Variants in RHBDD1 observed in about 807,000 individuals in gnomAD.
RHBDD1 encodes rhomboid-related protein 4.
In RHBDD1, 38 loss-of-function variants were observed where a neutral mutation model predicts 36.3. The ratio of observed to expected loss-of-function variants is 1.05; its 90% CI spans 0.81 to 1.37. The LOEUF (loss-of-function observed/expected upper bound fraction) is 1.37, where lower values mean the gene tolerates loss of function less well. Ranked by LOEUF, RHBDD1 falls within the 40% of genes most tolerant of loss-of-function variation. The pLI is 0.00. For synonymous variants in RHBDD1, 151 were observed against 136.5 expected (o/e 1.11, Z -0.74); for missense variants, 393 against 377.6 (o/e 1.04, Z -0.34).
chr2:226,864,776 C>A lies in RHBDD1; in HGVS notation c.83C>A (p.Pro28Gln). ...TTCCATGTTGGGATCAACAATATTC[C>A]ACCTGTCACCCTAGCAACTTTGGCC... ...QIFHVGINNI[P>Q]PVTLATLALN... Residue 28 changes from proline (P) to glutamine (Q), a missense_variant, in exon 4 of 9, where the codon CCA becomes CAA. Transcript: ENST00000392062. The A allele has an allele frequency of 1.2e-6, 2 of 1,614,078 alleles. No homozygotes were observed. Among genetic ancestry groups the A allele is most frequent in the Non-Finnish European group, 1.7e-6 (2 of 1,179,986 alleles).
chr2:226,890,224 C>T (rs1350544111), intron 5 of RHBDD1, among the ~76,000 whole-genome samples: 2 of 152,180 alleles, frequency 1.3e-5, no homozygotes, highest in African/African-American at 2.4e-5. Context: ...TAAGTGAGTA[C>T]TTAAAAATAG....
At chr2:226,806,086 CTTTCTT>C in the RHBDD1 span, among the ~76,000 whole-genome samples, 1 of 152,032 alleles carries the variant, frequency 6.6e-6, no homozygotes, top group East Asian at 1.9e-4. Context: ...CTCTCTCTCT[CTTTCTT>C]CTTCTTCTTT....
chr2:226,866,612 C>A (rs1482950982), intron 4 of RHBDD1, among the ~76,000 whole-genome samples: 1 of 152,078 alleles, frequency 6.6e-6, no homozygotes, highest in African/African-American at 2.4e-5. Flanking sequence ...TTTCATGGGA[C>A]CAAAATTGCC....
intron 8 of RHBDD1, among the ~76,000 whole-genome samples, chr2:226,972,412 G>A (rs1310037838): frequency 6.6e-6 from 1 of 152,214 alleles, no homozygotes; most frequent in African/African-American, 2.4e-5. Context: ...ATTACCTAAA[G>A]AGCAGAGCCA....
At chr2:226,845,732 C>G (rs1942140368) in intron 3 of RHBDD1, among the ~76,000 whole-genome samples, 1 of 152,186 alleles carries the variant, frequency 6.6e-6, no homozygotes, top group Admixed American at 6.5e-5. Context: ...AGCCTGACAG[C>G]CTTTCGTGTT....
At chr2:226,822,326 CT>C in the RHBDD1 span, among the ~76,000 whole-genome samples, 1 of 146,402 alleles carries the variant, frequency 6.8e-6, no homozygotes, top group East Asian at 2.0e-4. Context: ...GATGCTTGCT[CT>C]TTTGCGTACA....
At chr2:226,929,514 G>C (rs1444115160) in intron 8 of RHBDD1, among the ~76,000 whole-genome samples, 1 of 151,966 alleles carries the variant, frequency 6.6e-6, no homozygotes, top group Non-Finnish European at 1.5e-5. Flanking sequence ...CAAAATAAAA[G>C]CTATCTGTGA....
chr2:226,914,221 T>C lies in RHBDD1; in HGVS notation c.726T>C (p.Tyr242=). Residue 242 remains tyrosine, a synonymous_variant, in exon 8 of 9, where the codon TAT becomes TAC. Transcript: ENST00000392062. ...TTGTGCCTTTAGGCAGCTCTGGATA[T>C]CAGGATTATTATCCGCATGGCAGGC... is the stretch of plus-strand genomic sequence containing the variant. ...YYFNSSGSSG[Y]QDYYPHGRPD... The C allele has an allele frequency of 6.2e-7, 1 of 1,613,736 alleles. No individual in the cohort carries two copies. The highest frequency in any genetic ancestry group is 8.5e-7 in the Non-Finnish European group (1 of 1,179,754).
At chr2:226,976,244 G>A (rs934290715) in intron 8 of RHBDD1, among the ~76,000 whole-genome samples, 7 of 147,076 alleles carry the variant, frequency 4.8e-5, no homozygotes, top group African/African-American at 1.8e-4. Flanking sequence ...TAAGTCCTCT[G>A]TCACCTTGTC....
chr2:226,802,177 T>C, the RHBDD1 span, among the ~76,000 whole-genome samples: 1 of 152,198 alleles, frequency 6.6e-6, no homozygotes, highest in African/African-American at 2.4e-5. Flanking sequence ...CTAATTATGA[T>C]AATAAACCTT....
chr2:226,950,017 CAACCTAATT>C (rs1951310372), intron 8 of RHBDD1, among the ~76,000 whole-genome samples: 1 of 152,190 alleles, frequency 6.6e-6, no homozygotes, highest in Non-Finnish European at 1.5e-5. Context: ...AATGGCTAAA[CAACCTAATT>C]AACATAAGTT....
At chr2:226,874,157 A>G (rs547201245) in intron 5 of RHBDD1, among the ~76,000 whole-genome samples, 6 of 152,268 alleles carry the variant, frequency 3.9e-5, no homozygotes, top group African/African-American at 1.4e-4. Flanking sequence ...CCCTTGACAC[A>G]TGAGGAGTAT....
intron 8 of RHBDD1, among the ~76,000 whole-genome samples, chr2:226,970,537 T>G (rs940264370): frequency 2.6e-5 from 4 of 152,216 alleles, no homozygotes; most frequent in African/African-American, 7.2e-5. Context: ...GGAAGCAGCC[T>G]TATTTTTAGG....
intron 5 of RHBDD1, among the ~76,000 whole-genome samples, chr2:226,903,675 G>A (rs1488633471): frequency 1.3e-5 from 2 of 152,134 alleles, no homozygotes; most frequent in Admixed American, 6.5e-5. Context: ...GTGGGTAGAA[G>A]AGGGCGGTTC....
At chr2:226,887,638 C>CT (rs1382738564) in intron 5 of RHBDD1, among the ~76,000 whole-genome samples, 1 of 152,226 alleles carries the variant, frequency 6.6e-6, no homozygotes, top group African/African-American at 2.4e-5. Context: ...ACAGAATCTG[C>CT]TTTTCTAGCA....
At chr2:226,875,571 A>T (rs920519905) in intron 5 of RHBDD1, among the ~76,000 whole-genome samples, 15 of 152,320 alleles carry the variant, frequency 9.8e-5, no homozygotes, top group Non-Finnish European at 1.0e-4. Context: ...TGTTAGTTCA[A>T]TAAAAATAGA....
At chr2:226,926,020 C>A (rs1024153983) in intron 8 of RHBDD1, among the ~76,000 whole-genome samples, 20 of 151,852 alleles carry the variant, frequency 1.3e-4, no homozygotes, top group African/African-American at 4.6e-4. Flanking sequence ...TGGGCTGAAC[C>A]CTCTGACAGG....
chr2:226,985,749 C>G (rs13419455), intron 8 of RHBDD1, among the ~76,000 whole-genome samples: 66,074 of 152,066 alleles, frequency 0.43, 14,464 homozygotes, highest in South Asian at 0.56. Context: ...GTTAGCAGAC[C>G]CCACTTCACC....
the RHBDD1 span, among the ~76,000 whole-genome samples, chr2:226,824,912 C>T: frequency 6.6e-6 from 1 of 152,254 alleles, no homozygotes; most frequent in East Asian, 1.9e-4. Context: ...TACATGTGCG[C>T]AAAGGAGGTC....
Sources: gnomAD v4.1 joint callset for allele counts (sites outside exome capture counted in the v4.1 genomes callset) on GRCh38, gnomAD v4.1.1 for gene constraint, MANE v1.5 for transcripts, NCBI Gene and HGNC (gene_info 2026-07-23, HGNC 2026-07-21) for gene names.